PTPN4: variants seen among roughly 807,000 people sequenced by gnomAD.
PTPN4 encodes tyrosine-protein phosphatase non-receptor type 4.
In PTPN4, 49 loss-of-function variants were observed where a neutral mutation model predicts 135.5. The observed-to-expected ratio is 0.36, with a 90% CI of 0.29 to 0.46. PTPN4 has a LOEUF of 0.46. Ranked by LOEUF, PTPN4 falls within the 20% of genes least tolerant of loss-of-function variation. The pLI is 1.00. For missense variants in PTPN4, 860 were observed against 1,101.0 expected, an observed-to-expected ratio of 0.78 and a Z score of 3.10; for synonymous variants, 333 against 369.9, an observed-to-expected ratio of 0.90 and a Z score of 1.14.
intron 2 of PTPN4, among the ~76,000 whole-genome samples, chr2:119,822,304 C>G (rs1011787352): frequency 6.6e-6 from 1 of 151,480 alleles, no homozygotes; most frequent in African/African-American, 2.4e-5. Flanking sequence ...GTGTTTAGCT[C>G]TGCTGTCTCT....
At chr2:119,774,965 C>T (rs1417184913) in intron 1 of PTPN4, among the ~76,000 whole-genome samples, 1 of 151,098 alleles carries the variant, frequency 6.6e-6, no homozygotes, top group Admixed American at 6.6e-5. Flanking sequence ...TGCAGTGAGC[C>T]AATATCGCGC....
chr2:119,833,515 A>G (rs1677248674), intron 2 of PTPN4, among the ~76,000 whole-genome samples: 1 of 152,162 alleles, frequency 6.6e-6, no homozygotes, highest in Non-Finnish European at 1.5e-5. Context: ...GAAGTTTTAA[A>G]GGGATATAAT....
intron 2 of PTPN4, among the ~76,000 whole-genome samples, chr2:119,854,157 A>G (rs909586375): frequency 1.3e-5 from 2 of 152,136 alleles, no homozygotes; most frequent in African/African-American, 4.8e-5. Context: ...GCCTTTTAAT[A>G]TGCAAATGCA....
At chr2:119,957,551 C>G (rs1378028872) in intron 22 of PTPN4, among the ~76,000 whole-genome samples, 1 of 121,524 alleles carries the variant, frequency 8.2e-6, no homozygotes, top group Non-Finnish European at 1.7e-5. Flanking sequence ...TTCCAAGAAA[C>G]CAGTCCCTGG....
intron 2 of PTPN4, among the ~76,000 whole-genome samples, chr2:119,832,377 AT>A (rs552638086): frequency 1.0e-4 from 15 of 150,510 alleles, no homozygotes; most frequent in African/African-American, 2.4e-4. Context: ...AAGAGGAGTC[AT>A]TTTTTTTTGG....
chr2:119,863,303 G>A (rs149502167), intron 3 of PTPN4, among the ~76,000 whole-genome samples: 41 of 152,132 alleles, frequency 2.7e-4, no homozygotes, highest in Non-Finnish European at 5.7e-4. Flanking sequence ...ACTCTGAACC[G>A]AGATAAAGGG....
intron 12 of PTPN4, among the ~76,000 whole-genome samples, chr2:119,923,913 G>A (rs865860514): frequency 2.0e-4 from 30 of 152,122 alleles, no homozygotes; most frequent in Non-Finnish European, 4.0e-4. Context: ...CGAGGCGGGC[G>A]GATCACGAGG....
intron 1 of PTPN4, among the ~76,000 whole-genome samples, chr2:119,770,442 G>A (rs1343304721): frequency 6.6e-6 from 1 of 152,104 alleles, no homozygotes; most frequent in Non-Finnish European, 1.5e-5. Flanking sequence ...CATATAATGA[G>A]AAGTCTTGAT....
chr2:119,866,692 A>G (rs902154299), intron 3 of PTPN4, among the ~76,000 whole-genome samples: 4 of 152,266 alleles, frequency 2.6e-5, no homozygotes, highest in Middle Eastern at 3.4e-3. Context: ...TTTCTTTTAT[A>G]TAACTCAATT....
intron 2 of PTPN4, among the ~76,000 whole-genome samples, chr2:119,817,974 G>T (rs1210981536): frequency 6.6e-6 from 1 of 152,088 alleles, no homozygotes; most frequent in Non-Finnish European, 1.5e-5. Flanking sequence ...ACTCTTGTTG[G>T]TGTATAGGAA....
At chr2:119,824,786 C>A (rs1405162759) in intron 2 of PTPN4, among the ~76,000 whole-genome samples, 2 of 152,084 alleles carry the variant, frequency 1.3e-5, no homozygotes, top group African/African-American at 4.8e-5. Flanking sequence ...CTCCCAGGTT[C>A]AAGCACTTCT....
chr2:119,789,488 A>C (rs1691102285), intron 1 of PTPN4, among the ~76,000 whole-genome samples: 1 of 152,156 alleles, frequency 6.6e-6, no homozygotes, highest in African/African-American at 2.4e-5. Context: ...CATATAAAGA[A>C]ATTATTGCCA....
chr2:119,807,029 A>T (rs1409186080), intron 1 of PTPN4, among the ~76,000 whole-genome samples: 2 of 152,238 alleles, frequency 1.3e-5, no homozygotes, highest in Admixed American at 6.5e-5. Flanking sequence ...TTTGAAACCA[A>T]TGAGAACAAA....
intron 22 of PTPN4, among the ~76,000 whole-genome samples, chr2:119,958,722 A>T (rs1185513637): frequency 1.3e-5 from 2 of 152,196 alleles, no homozygotes; most frequent in Non-Finnish European, 2.9e-5. Context: ...TAATTAGCTG[A>T]TCAATACATA....
intron 1 of PTPN4, among the ~76,000 whole-genome samples, chr2:119,774,043 T>TA (rs1252028873): frequency 2.0e-5 from 3 of 152,244 alleles, no homozygotes; most frequent in South Asian, 2.1e-4. Context: ...AGTATCCATT[T>TA]AAAATGCCAT....
At chr2:119,901,613 A>G (rs998618184) in intron 10 of PTPN4, among the ~76,000 whole-genome samples, 3 of 152,230 alleles carry the variant, frequency 2.0e-5, no homozygotes, top group Non-Finnish European at 2.9e-5. Flanking sequence ...AGTAAACACA[A>G]TTTGAAGAAA....
chr2:119,816,940 A>G (rs1458571019), intron 2 of PTPN4, among the ~76,000 whole-genome samples: 1 of 152,220 alleles, frequency 6.6e-6, no homozygotes, highest in Non-Finnish European at 1.5e-5. Flanking sequence ...TCTAGCACGG[A>G]CAAAGTTGAT....
intron 26 of PTPN4, among the ~76,000 whole-genome samples, chr2:119,969,552 CTTTTT>C (rs35531556): frequency 1.8e-5 from 2 of 113,860 alleles, no homozygotes; most frequent in Non-Finnish European, 3.4e-5. Flanking sequence ...TAATCAATTT[CTTTTT>C]TTTTTTTTTT....
intron 1 of PTPN4, among the ~76,000 whole-genome samples, chr2:119,798,330 C>A (rs927585732): frequency 6.6e-6 from 1 of 152,056 alleles, no homozygotes; most frequent in South Asian, 2.1e-4. Context: ...CCATGCCTGG[C>A]TAATTTTTGT....
Sources: allele counts gnomAD v4.1 joint callset (sites outside exome capture counted in the v4.1 genomes callset), GRCh38; gene constraint gnomAD v4.1.1; transcripts MANE v1.5; gene names NCBI Gene and HGNC (gene_info 2026-07-23, HGNC 2026-07-21).